Variants in ANK3 observed in about 807,000 individuals in gnomAD.
ANK3 encodes the protein ankyrin 3, also known as ankyrin-3.
A neutral mutation model predicts 370.9 loss-of-function variants in ANK3; 57 were observed. That is an observed-to-expected ratio of 0.15 (90% CI 0.12 to 0.19). The LOEUF is 0.19. Among genes scored for constraint, ANK3 ranks in the 10% least tolerant of loss-of-function variants. ANK3 has a pLI of 1.00. For synonymous variants in ANK3, 1,929 were observed against 1,946.3 expected (o/e 0.99, Z 0.23); for missense variants, 4,439 against 5,302.1 (o/e 0.84, Z 5.06).
At chr10:60,318,629 G>C (rs1198551771) in intron 1 of ANK3, among the ~76,000 whole-genome samples, 2 of 152,120 alleles carry the variant, frequency 1.3e-5, no homozygotes, top group Admixed American at 1.3e-4. Context: ...TTGCTTTTGT[G>C]TTTCTGCATG....
At chr10:60,375,665 G>A (rs370009378) in intron 1 of ANK3, among the ~76,000 whole-genome samples, 1 of 152,138 alleles carries the variant, frequency 6.6e-6, no homozygotes, top group Non-Finnish European at 1.5e-5. Context: ...CCTGCCCCAC[G>A]TTTAATGCCT....
intron 2 of ANK3, among the ~76,000 whole-genome samples, chr10:60,520,447 T>C (rs1356542805): frequency 6.6e-6 from 1 of 152,102 alleles, no homozygotes; most frequent in Non-Finnish European, 1.5e-5. Flanking sequence ...AAAAAAATAA[T>C]AAATTTTGAC....
chr10:60,454,826 C>T (rs2064705413), intron 2 of ANK3, among the ~76,000 whole-genome samples: 1 of 152,156 alleles, frequency 6.6e-6, no homozygotes, highest in African/African-American at 2.4e-5. Flanking sequence ...ACAAAATAAT[C>T]TGAAGTTAAC....
chr10:60,285,818 A>G (rs1282216712), intron 1 of ANK3, among the ~76,000 whole-genome samples: 1 of 152,166 alleles, frequency 6.6e-6, no homozygotes, highest in African/African-American at 2.4e-5. Context: ...CCAGACGCTA[A>G]CAACAGAAAT....
intron 7 of ANK3, among the ~76,000 whole-genome samples, chr10:60,235,895 C>T (rs1348250496): frequency 6.6e-6 from 1 of 152,178 alleles, no homozygotes; most frequent in African/African-American, 2.4e-5. Flanking sequence ...TCATTTAATT[C>T]TCACAATCCT....
intron 1 of ANK3, among the ~76,000 whole-genome samples, chr10:60,381,215 C>CT (rs199995211): frequency 0.016 from 2,438 of 151,220 alleles, 26 homozygotes; most frequent in African/African-American, 0.028. Flanking sequence ...CCCAAGCAGT[C>CT]TTTTTTTTTC....
At chr10:60,703,450 G>C (rs1262693821) in intron 1 of ANK3, among the ~76,000 whole-genome samples, 2 of 152,116 alleles carry the variant, frequency 1.3e-5, no homozygotes, top group African/African-American at 4.8e-5. Flanking sequence ...GTTAGTGACA[G>C]GTAGATGGGA....
intron 1 of ANK3, among the ~76,000 whole-genome samples, chr10:60,345,620 G>A (rs570728879): frequency 6.6e-6 from 1 of 152,120 alleles, no homozygotes; most frequent in Non-Finnish European, 1.5e-5. Context: ...AGAAAGTAAA[G>A]AAGATAAGAC....
intron 23 of ANK3, chr10:60,146,055 A>T: frequency 6.6e-7 from 1 of 1,526,322 alleles, no homozygotes; most frequent in South Asian, 1.2e-5. Context: ...AACAAAATAA[A>T]ACAAAACAAA....
rs542935789 is a variant in ANK3 at position 60,552,965 on chromosome 10, C to A, written c.96+62221G>T. On this transcript the variant is annotated intron_variant, in intron 2 of 43. Coordinates refer to the ANK3 transcript ENST00000373827. ...TGCCATCCATGTAAGATGTGACTTG[C>A]TCCTCCTTGCCTTCCACCATGATTG... Among the ~76,000 whole-genome samples, 7 of 152,308 alleles carry A rather than the reference C, an allele frequency of 4.6e-5. No individual in the cohort carries two copies. The South Asian group carries it at 1.4e-3, about 32-fold the overall frequency.
At chr10:60,064,329 C>T in intron 38 of ANK3, 41 bp from the exon 39 acceptor site, 2 of 1,532,658 alleles carry the variant, frequency 1.3e-6, no homozygotes, top group Non-Finnish European at 1.7e-6. Context: ...GCATATTCTA[C>T]TTTTATCACA....
At chr10:60,225,496 A>G (rs541453041) in intron 8 of ANK3, among the ~76,000 whole-genome samples, 1 of 152,268 alleles carries the variant, frequency 6.6e-6, no homozygotes, top group South Asian at 2.1e-4. Flanking sequence ...TAGAATTAGA[A>G]TTTACATTCA....
At chr10:60,473,650 G>A (rs927985212) in intron 2 of ANK3, among the ~76,000 whole-genome samples, 17 of 152,092 alleles carry the variant, frequency 1.1e-4, no homozygotes, top group Admixed American at 2.0e-4. Flanking sequence ...AATGACTAAC[G>A]TGACTTCTCA....
chr10:60,700,648 T>C (rs1296671292), intron 1 of ANK3, among the ~76,000 whole-genome samples: 1 of 152,106 alleles, frequency 6.6e-6, no homozygotes, highest in Non-Finnish European at 1.5e-5. Flanking sequence ...AAATACAAAA[T>C]CCAGAATTAC....
chr10:60,061,699 A>C (rs1223722036), intron 40 of ANK3, among the ~76,000 whole-genome samples: 1 of 151,972 alleles, frequency 6.6e-6, no homozygotes, highest in East Asian at 1.9e-4. Flanking sequence ...TGTTTGTTAC[A>C]TGTATAACAA....
chr10:60,208,000 A>G (rs760829649), intron 10 of ANK3, 36 bp downstream of exon 10: 35 of 1,584,826 alleles, frequency 2.2e-5, no homozygotes, highest in Non-Finnish European at 3.0e-5. Context: ...TGTGAGCAAG[A>G]CAACTGAGGC....
intron 21 of ANK3, among the ~76,000 whole-genome samples, chr10:60,169,889 G>A (rs2095735224): frequency 6.6e-6 from 1 of 152,024 alleles, no homozygotes. Flanking sequence ...CTACCATTGT[G>A]CCTCTGTATT....
chr10:60,425,599 C>A (rs1427369207), intron 2 of ANK3, among the ~76,000 whole-genome samples: 1 of 152,090 alleles, frequency 6.6e-6, no homozygotes. Flanking sequence ...AACAACCAAC[C>A]CTGATGATAC....
intron 8 of ANK3, among the ~76,000 whole-genome samples, chr10:60,229,277 C>T (rs2097208004): frequency 6.6e-6 from 1 of 151,998 alleles, no homozygotes; most frequent in Non-Finnish European, 1.5e-5. Flanking sequence ...TATAGAAACC[C>T]AGGGTCTTCT....
Sources: gnomAD v4.1 joint callset for allele counts (sites outside exome capture counted in the v4.1 genomes callset) on GRCh38, gnomAD v4.1.1 for gene constraint, MANE v1.5 for transcripts, NCBI Gene and HGNC (gene_info 2026-07-23, HGNC 2026-07-21) for gene names.